The following ITGA1 variants were observed in gnomAD, a reference collection of about 807,000 sequenced individuals.
The protein encoded by ITGA1 is integrin alpha-1.
A neutral mutation model predicts 145.9 loss-of-function variants in ITGA1; 85 were observed. The ratio of observed to expected loss-of-function variants is 0.58; its 90% CI spans 0.49 to 0.70. The LOEUF (loss-of-function observed/expected upper bound fraction) is 0.70, where lower values mean the gene tolerates loss of function less well. Ranked by LOEUF, ITGA1 falls within the 30% of genes least tolerant of loss-of-function variation. The pLI, the probability that ITGA1 is intolerant of heterozygous loss-of-function variation, is 0.00. For synonymous variants in ITGA1, 520 were observed against 495.3 expected (o/e 1.05, Z -0.66); for missense variants, 1,351 against 1,418.7 (o/e 0.95, Z 0.77).
chr5:52,792,564 G>A (rs189552452), intron 1 of ITGA1, among the ~76,000 whole-genome samples: 3 of 152,244 alleles, frequency 2.0e-5, no homozygotes, highest in South Asian at 4.1e-4. Flanking sequence ...TATCACTGAT[G>A]TTCTGACTTC....
At position 52,897,531 on chromosome 5, in the gene ITGA1, A is replaced by G. The variant is rs368076956; in HGVS notation, c.1164+3A>G. ...GCTTCAGTGCTCATTATTCACAGGT[A>G]TGTTGACCAGTTGGTGAAAAATGAA... On this transcript the variant is annotated splice_donor_region_variant and intron_variant, in intron 10 of 28. Coordinates refer to ENST00000282588, the MANE Select transcript of ITGA1 (RefSeq NM_181501.2). The G allele has an allele frequency of 1.2e-5, 19 of 1,609,590 alleles. No individual in the cohort carries two copies. Among genetic ancestry groups the G allele is most frequent in the Non-Finnish European group, 1.5e-5 (18 of 1,176,418 alleles).
chr5:52,956,090 T>C lies in ITGA1; in HGVS notation c.*3639T>C, dbSNP rs1751299771. 1 of 152,310 alleles carries C rather than the reference T, an allele frequency of 6.6e-6. No individual in the cohort carries two copies. Among genetic ancestry groups the C allele is most frequent in the African/African-American group, 2.4e-5 (1 of 41,562 alleles). 9.4% of individuals were successfully genotyped at this position (152,310 alleles called of 1,614,324 possible). A position where few individuals can be genotyped will look rare whatever the true frequency, so the allele number is the denominator to read the frequency against. On this transcript the variant is annotated 3_prime_UTR_variant, in exon 29 of 29. Transcript: ENST00000282588. ...AAAAAAGTGCCATTGTTGTGATCAA[T>C]GGAGTAAAGCTGGGGTATAGTAGAG...
In ITGA1 at chr5:52,954,020, A is replaced by G. The variant is rs138820312; in HGVS notation, c.*1569A>G. The stretch of plus-strand genomic sequence containing the variant: ...GTCAGCCTACCTCTTGACTCTCCAC[A>G]TCCGCATCTAAGATCCTGAAGGCCA... On this transcript the variant is annotated 3_prime_UTR_variant, in exon 29 of 29. Coordinates refer to ENST00000282588, the MANE Select transcript of ITGA1 (RefSeq NM_181501.2). 193 of 152,264 alleles carry G rather than the reference A, an allele frequency of 1.3e-3. No homozygotes were observed. Among genetic ancestry groups the G allele is most frequent in the African/African-American group, 4.5e-3 (187 of 41,550 alleles). The allele number at this position is 152,264 out of a possible 1,614,324, so 9.4% of individuals were successfully genotyped here.
chr5:52,872,575 A>ATTTTTTTTTTTTTTTTTTTTTTTTTTTT lies in ITGA1; in HGVS notation c.624+6776_624+6777insTTTTTTTTTTTTTTTTTTTTTTTTTTTT, dbSNP rs58664401. Among the ~76,000 whole-genome samples the ATTTTTTTTTTTTTTTTTTTTTTTTTTTT allele has an allele frequency of 4.8e-4, 47 of 98,358 alleles. 6 individuals are homozygous for ATTTTTTTTTTTTTTTTTTTTTTTTTTTT. The highest frequency in any genetic ancestry group is 1.1e-3 in the Admixed American group (8 of 7,374). 64.5% of individuals were successfully genotyped at this position (98,358 alleles called of 152,430 possible). ...CTTCCCCTTACACCCGCCTCAGTCA[A>ATTTTTTTTTTTTTTTTTTTTTTTTTTTT]TTTTTTTTTTTTTTTTTTGTGGGTG... On this transcript the variant is annotated intron_variant, in intron 6 of 28. Transcript: ENST00000282588.
chr5:52,910,142 C>T lies in ITGA1; in HGVS notation c.1600-20C>T. The T allele has an allele frequency of 6.3e-6, 10 of 1,593,320 alleles. No homozygotes were observed. The highest frequency in any genetic ancestry group is 7.7e-6 in the Non-Finnish European group (9 of 1,164,304). Reference sequence around the variant, plus strand: ...AGTAATGATGGAAATACATAAATATCCTGTTTATCTTTCTTCCAGACAAGG... The same window carrying T: ...AGTAATGATGGAAATACATAAATATTCTGTTTATCTTTCTTCCAGACAAGG... On this transcript the variant is annotated intron_variant, in intron 13 of 28. Coordinates refer to ENST00000282588, the MANE Select transcript of ITGA1 (RefSeq NM_181501.2).
chr5:52,813,801 A>G (rs1748721889), intron 1 of ITGA1, among the ~76,000 whole-genome samples: 1 of 152,218 alleles, frequency 6.6e-6, no homozygotes, highest in Non-Finnish European at 1.5e-5. Flanking sequence ...TTCCCCAACC[A>G]GGAGGAATTT....
At chr5:52,939,053 C>A (rs1029433755) in intron 24 of ITGA1, among the ~76,000 whole-genome samples, 2 of 152,038 alleles carry the variant, frequency 1.3e-5, no homozygotes, top group African/African-American at 4.8e-5. Context: ...CAGGCGCCTG[C>A]CACCACACCC....
intron 1 of ITGA1, among the ~76,000 whole-genome samples, chr5:52,831,311 T>A (rs1186366092): frequency 6.6e-6 from 1 of 152,064 alleles, no homozygotes; most frequent in Non-Finnish European, 1.5e-5. Context: ...TTTTTGTATT[T>A]TTAGTAGAGA....
At chr5:52,814,155 GTTT>G (rs1748727369) in intron 1 of ITGA1, among the ~76,000 whole-genome samples, 3 of 152,036 alleles carry the variant, frequency 2.0e-5, no homozygotes, top group Admixed American at 6.6e-5. Context: ...TGGTTTGTTT[GTTT>G]GATTTTGAGA....
intron 8 of ITGA1, among the ~76,000 whole-genome samples, chr5:52,890,632 C>T (rs1750131866): frequency 6.6e-6 from 1 of 152,132 alleles, no homozygotes; most frequent in Non-Finnish European, 1.5e-5. Flanking sequence ...TTACCTGGTA[C>T]ATGTGATATT....
chr5:52,939,790 T>C, intron 25 of ITGA1, 50 bp from the exon 26 acceptor site: 1 of 1,442,756 alleles, frequency 6.9e-7, no homozygotes. Context: ...AATATAGATA[T>C]TTGATAAAAC....
rs370341595 is a variant in ITGA1 at position 52,911,001 on chromosome 5, GTATACTGTA to G, written c.1857+589_1857+597del. Among the ~76,000 whole-genome samples, 277 of 29,478 alleles carry G rather than the reference GTATACTGTA, an allele frequency of 9.4e-3. 1 individual carries two copies. Among genetic ancestry groups the G allele is most frequent in the African/African-American group, 0.046 (256 of 5,508 alleles). 19.3% of individuals were successfully genotyped at this position (29,478 alleles called of 152,430 possible). On this transcript the variant is annotated intron_variant, in intron 14 of 28. Coordinates refer to ENST00000282588, the MANE Select transcript of ITGA1 (RefSeq NM_181501.2). ...ATAGTATGTATACTATATATAGTAT[GTATACTGTA>G]TATACTATATATAGTATGTATACTG...
intron 3 of ITGA1, among the ~76,000 whole-genome samples, chr5:52,864,215 C>A (rs2456198): frequency 1.3e-5 from 2 of 151,964 alleles, no homozygotes; most frequent in East Asian, 3.9e-4. Context: ...ATGTCAAATG[C>A]AGTCTCTTTA....
intron 26 of ITGA1, among the ~76,000 whole-genome samples, chr5:52,942,219 G>A (rs975289627): frequency 2.0e-5 from 3 of 152,120 alleles, no homozygotes; most frequent in Non-Finnish European, 4.4e-5. Context: ...GATGGGTCTG[G>A]CTTTGTTCTT....
chr5:52,939,985 C>A, intron 26 of ITGA1, 41 bp downstream of exon 26: 1 of 1,059,956 alleles, frequency 9.4e-7, no homozygotes, highest in Non-Finnish European at 1.5e-6. Context: ...TGAATAATAT[C>A]AATAAATATT....
Position 52,819,719 on chromosome 5 carries a change from G to T in ITGA1, c.62-29646G>T, listed in dbSNP as rs549560532. ...TCGGTGTTTTAGACATGAAGTCCTTGCCCATGCCTATGTCCTGAATGGTAT... is the reference window on the plus strand; with the variant it reads ...TCGGTGTTTTAGACATGAAGTCCTTTCCCATGCCTATGTCCTGAATGGTAT... On this transcript the variant is annotated intron_variant, in intron 1 of 28. Transcript: ENST00000282588. 4.4e-4 allele frequency among the ~76,000 whole-genome samples: 67 copies of T among 152,248 alleles called. No homozygotes were observed. The Middle Eastern group carries it at 0.01, about 23-fold the overall frequency.
chr5:52,882,663 T>C (rs1487557244), intron 7 of ITGA1, among the ~76,000 whole-genome samples: 1 of 152,200 alleles, frequency 6.6e-6, no homozygotes, highest in Non-Finnish European at 1.5e-5. Flanking sequence ...ACTCAGTCTG[T>C]GGTTGAATTT....
intron 18 of ITGA1, 123 bp downstream of exon 18, chr5:52,923,010 A>T (rs1326160739): frequency 3.3e-6 from 2 of 604,888 alleles, no homozygotes; most frequent in Admixed American, 6.1e-5. Flanking sequence ...TGGAAGAAAG[A>T]AAAAAAAGGC....
chr5:52,811,875 T>C (rs1480175413), intron 1 of ITGA1, among the ~76,000 whole-genome samples: 1 of 152,208 alleles, frequency 6.6e-6, no homozygotes, highest in Non-Finnish European at 1.5e-5. Flanking sequence ...GCTAGAGGTT[T>C]CTCAAACCAG....
Sources: gnomAD v4.1 joint callset for allele counts (sites outside exome capture counted in the v4.1 genomes callset) on GRCh38, gnomAD v4.1.1 for gene constraint, MANE v1.5 for transcripts, NCBI Gene and HGNC (gene_info 2026-07-23, HGNC 2026-07-21) for gene names.